CADPS2: variants seen among roughly 807,000 people sequenced by gnomAD.
The protein encoded by CADPS2 is calcium dependent secretion activator 2.
CADPS2 carries 93 observed loss-of-function variants against 172.5 expected under a neutral mutation model. The observed-to-expected ratio is 0.54, with a 90% CI of 0.46 to 0.64. CADPS2 has a LOEUF of 0.64. CADPS2 is among the 30% of genes least tolerant of loss of function. The pLI is 0.00. For synonymous variants in CADPS2, 546 were observed against 555.2 expected (o/e 0.98, Z 0.23); for missense variants, 1,420 against 1,565.9 (o/e 0.91, Z 1.57).
chr7:122,323,118 T>G (rs531827429), intron 29 of CADPS2, among the ~76,000 whole-genome samples: 1 of 152,296 alleles, frequency 6.6e-6, no homozygotes, highest in African/African-American at 2.4e-5. Context: ...TGGCTAAAAG[T>G]CTGTTTATAT....
At chr7:122,780,207 A>C (rs894848111) in intron 1 of CADPS2, among the ~76,000 whole-genome samples, 3 of 151,908 alleles carry the variant, frequency 2.0e-5, no homozygotes, top group African/African-American at 7.3e-5. Context: ...ATTCTTTACC[A>C]TGTGCACTTG....
chr7:122,714,789 T>G (rs914245028), intron 2 of CADPS2, among the ~76,000 whole-genome samples: 1 of 152,160 alleles, frequency 6.6e-6, no homozygotes, highest in African/African-American at 2.4e-5. Context: ...AATAGAAACT[T>G]ACAGTAATAA....
At chr7:122,377,929 T>G (rs2189601) in intron 25 of CADPS2, among the ~76,000 whole-genome samples, 49,850 of 151,788 alleles carry the variant, frequency 0.33, 8,577 homozygotes, top group East Asian at 0.59. Flanking sequence ...ATTTGAAAAC[T>G]ACAAAAAAAA....
Position 122,750,614 on chromosome 7 carries a change from C to T in CADPS2, c.340-13546G>A, listed in dbSNP as rs113647822. Among the ~76,000 whole-genome samples the T allele has an allele frequency of 3.0e-3, 460 of 152,250 alleles. 2 individuals are homozygous for T. The highest frequency in any genetic ancestry group is 0.01 in the African/African-American group (423 of 41,572). ...CTCAAAGGAAATTTCCACAGCAGAA[C>T]TTGACATCCTGTGCAATACTAAAAC... On this transcript the variant is annotated intron_variant, in intron 1 of 29. Coordinates refer to ENST00000449022, the MANE Select transcript of CADPS2 (RefSeq NM_017954.11).
At chr7:122,799,732 T>A (rs1797193306) in intron 1 of CADPS2, among the ~76,000 whole-genome samples, 1 of 152,136 alleles carries the variant, frequency 6.6e-6, no homozygotes, top group South Asian at 2.1e-4. Flanking sequence ...GATTAAAATG[T>A]TAACACTGGC....
chr7:122,541,620 CAT>C (rs968916000), intron 8 of CADPS2, among the ~76,000 whole-genome samples: 17 of 141,440 alleles, frequency 1.2e-4, no homozygotes, highest in Non-Finnish European at 2.3e-4. Context: ...CACATATATC[CAT>C]ATATATTTTC....
At chr7:122,656,094 G>A (rs1392171698) in intron 3 of CADPS2, among the ~76,000 whole-genome samples, 2 of 152,130 alleles carry the variant, frequency 1.3e-5, no homozygotes, top group Admixed American at 1.3e-4. Flanking sequence ...TGAGTGGTAG[G>A]AATATTTACT....
chr7:122,322,299 C>A (rs1308565701), intron 29 of CADPS2, among the ~76,000 whole-genome samples: 1 of 152,208 alleles, frequency 6.6e-6, no homozygotes, highest in Non-Finnish European at 1.5e-5. Context: ...TTGGCCAGAG[C>A]AGATTTGAAT....
At chr7:122,379,219 T>G (rs905839845) in intron 25 of CADPS2, 149 bp downstream of exon 25, 1 of 516,736 alleles carries the variant, frequency 1.9e-6, no homozygotes, top group Non-Finnish European at 3.4e-6. Flanking sequence ...AACCTTTTTT[T>G]GCTCCCAACT....
At chr7:122,476,618 T>TA (rs2056647997) in intron 12 of CADPS2, among the ~76,000 whole-genome samples, 3 of 152,082 alleles carry the variant, frequency 2.0e-5, no homozygotes, top group Admixed American at 2.0e-4. Context: ...CCATTGGTGA[T>TA]AAAAATGATA....
intron 14 of CADPS2, among the ~76,000 whole-genome samples, chr7:122,456,301 T>C (rs1361873102): frequency 2.0e-5 from 3 of 152,038 alleles, no homozygotes; most frequent in Non-Finnish European, 2.9e-5. Flanking sequence ...AAAGACAAAT[T>C]TTCTCATTTG....
chr7:122,354,577 T>C (rs2039120921), intron 27 of CADPS2, among the ~76,000 whole-genome samples: 1 of 152,140 alleles, frequency 6.6e-6, no homozygotes, highest in African/African-American at 2.4e-5. Context: ...AAACTTTTTT[T>C]TTGGGGGGGA....
chr7:122,874,830 T>C (rs1006546907), intron 1 of CADPS2, among the ~76,000 whole-genome samples: 1 of 152,198 alleles, frequency 6.6e-6, no homozygotes, highest in Admixed American at 6.5e-5. Flanking sequence ...GCTAGCCATA[T>C]GCAGGAAACT....
chr7:122,637,208 T>TTTTTTTTTTTTTCTC lies in CADPS2; in HGVS notation c.787-7881_787-7880insGAGAAAAAAAAAAAA, dbSNP rs778963218. 4.5e-4 allele frequency among the ~76,000 whole-genome samples: 28 copies of TTTTTTTTTTTTTCTC among 62,692 alleles called. 3 individuals are homozygous for TTTTTTTTTTTTTCTC. The highest frequency in any genetic ancestry group is 1.4e-3 in the East Asian group (2 of 1,450). The allele number at this position is 62,692 out of a possible 152,430, so 41.1% of individuals were successfully genotyped here. A position where few individuals can be genotyped will look rare whatever the true frequency, so the allele number is the denominator to read the frequency against. ...TTTTTTTTTTTTTTTTTTTTTTTTT[T>TTTTTTTTTTTTTCTC]CCTGAGACAGGGTCTCACTCTGTGG... On this transcript the variant is annotated intron_variant, in intron 3 of 29. Transcript: ENST00000449022.
rs143720485 is a variant in CADPS2 at position 122,700,573 on chromosome 7, C to T, written c.453+36382G>A. 7.1e-3 allele frequency among the ~76,000 whole-genome samples: 1,073 copies of T among 151,640 alleles called. 3 individuals carry two copies. Among genetic ancestry groups the T allele is most frequent in the Non-Finnish European group, 9.8e-3 (666 of 67,714 alleles). ...GAAATTTTCATCAATACAACAATACCTAAATCTTTCTGTCTCTCATTGTTA... is the reference window on the plus strand; with the variant it reads ...GAAATTTTCATCAATACAACAATACTTAAATCTTTCTGTCTCTCATTGTTA... On this transcript the variant is annotated intron_variant, in intron 2 of 29. Transcript: ENST00000449022.
intron 27 of CADPS2, among the ~76,000 whole-genome samples, chr7:122,348,590 A>G (rs2038049806): frequency 6.6e-6 from 1 of 152,116 alleles, no homozygotes; most frequent in African/African-American, 2.4e-5. Flanking sequence ...ACAAACCCAG[A>G]ATTCTTACAT....
Position 122,645,502 on chromosome 7 carries a change from GTATATATATACTTA to G in CADPS2, c.787-16188_787-16175del, listed in dbSNP as rs1365467999. Among the ~76,000 whole-genome samples, 5 of 101,754 alleles carry G rather than the reference GTATATATATACTTA, an allele frequency of 4.9e-5. No homozygotes were observed. The South Asian group carries it at 1.5e-3, about 30-fold the overall frequency. 66.8% of individuals were successfully genotyped at this position (101,754 alleles called of 152,430 possible). A position where few individuals can be genotyped will look rare whatever the true frequency, so the allele number is the denominator to read the frequency against. Reference sequence around the variant, plus strand: ...ATATATTTAGCGTATATATATATAAGTATATATATACTTATATATATATAAGTATATATATATAC... The same window carrying G: ...ATATATTTAGCGTATATATATATAAGTATATATATAAGTATATATATATAC... On this transcript the variant is annotated intron_variant, in intron 3 of 29. Transcript: ENST00000449022.
intron 6 of CADPS2, among the ~76,000 whole-genome samples, chr7:122,594,012 G>T (rs2071333731): frequency 6.6e-6 from 1 of 151,978 alleles, no homozygotes; most frequent in Non-Finnish European, 1.5e-5. Context: ...AATTTTAATA[G>T]AAGAACTAGA....
chr7:122,401,328 C>G (rs1264226468), intron 20 of CADPS2, among the ~76,000 whole-genome samples: 1 of 152,168 alleles, frequency 6.6e-6, no homozygotes, highest in Non-Finnish European at 1.5e-5. Flanking sequence ...ATTAAAGAAG[C>G]AGCACCGTGG....
Sources: gnomAD v4.1 joint callset for allele counts (sites outside exome capture counted in the v4.1 genomes callset) on GRCh38, gnomAD v4.1.1 for gene constraint, MANE v1.5 for transcripts, NCBI Gene and HGNC (gene_info 2026-07-23, HGNC 2026-07-21) for gene names.